GABRG2: variants seen among roughly 807,000 people sequenced by gnomAD.
The protein encoded by GABRG2 is gamma-aminobutyric acid type A receptor subunit gamma2, also known as gamma-aminobutyric acid receptor subunit gamma-2.
GABRG2 carries 16 observed loss-of-function variants against 56.4 expected under a neutral mutation model. The observed-to-expected ratio is 0.28, with a 90% CI of 0.19 to 0.43. GABRG2 has a LOEUF of 0.43. Among genes scored for constraint, GABRG2 ranks in the 20% least tolerant of loss-of-function variants. GABRG2 has a pLI of 1.00. For missense variants in GABRG2, 327 were observed against 582.7 expected, an observed-to-expected ratio of 0.56 and a Z score of 4.52; for synonymous variants, 208 against 205.5, an observed-to-expected ratio of 1.01 and a Z score of -0.10.
chr5:162,146,694 G>A (rs1408186825), intron 7 of GABRG2, among the ~76,000 whole-genome samples: 1 of 152,174 alleles, frequency 6.6e-6, no homozygotes, highest in African/African-American at 2.4e-5. Flanking sequence ...TTTTCATAGA[G>A]TGTATAGATT....
At chr5:162,105,152 T>C (rs2113377673) in intron 6 of GABRG2, among the ~76,000 whole-genome samples, 1 of 152,270 alleles carries the variant, frequency 6.6e-6, no homozygotes, top group Middle Eastern at 3.4e-3. Flanking sequence ...TAATTTGGAA[T>C]CAGGCCTTCA....
At chr5:162,099,116 A>C (rs145223792) in intron 4 of GABRG2, 1 of 152,282 alleles carries the variant, frequency 6.6e-6, no homozygotes, top group African/African-American at 2.4e-5. Flanking sequence ...CAACATACAA[A>C]ATATAATACT....
Position 162,155,248 on chromosome 5 carries a change from T to A in GABRG2, c.*1880T>A, listed in dbSNP as rs1738239738. On this transcript the variant is annotated 3_prime_UTR_variant, in exon 10 of 10. Transcript: ENST00000639213. Reference sequence around the variant, plus strand: ...AAATAGAACGAATTATTTTCTTGTTTTGAATTGTCAATATATTAAATGTTG... The same window carrying A: ...AAATAGAACGAATTATTTTCTTGTTATGAATTGTCAATATATTAAATGTTG... 1 of 152,504 alleles carries A rather than the reference T, an allele frequency of 6.6e-6. No homozygotes were observed. The highest frequency in any genetic ancestry group is 6.6e-5 in the Admixed American group (1 of 15,232). 9.4% of individuals were successfully genotyped at this position (152,504 alleles called of 1,614,324 possible).
intron 9 of GABRG2, chr5:162,151,987 G>T: frequency 2.4e-6 from 1 of 414,304 alleles, no homozygotes; most frequent in Non-Finnish European, 4.2e-6. Flanking sequence ...AGATGTCATA[G>T]GTAAAGAAGG....
intron 7 of GABRG2, among the ~76,000 whole-genome samples, chr5:162,148,822 T>C (rs957625714): frequency 6.6e-6 from 1 of 152,224 alleles, no homozygotes; most frequent in African/African-American, 2.4e-5. Flanking sequence ...TAATGTAACA[T>C]TATACTTTTC....
intron 6 of GABRG2, among the ~76,000 whole-genome samples, chr5:162,133,150 GA>G (rs960322165): frequency 6.0e-5 from 9 of 150,408 alleles, no homozygotes; most frequent in South Asian, 2.1e-4. Context: ...TTTAACAAAG[GA>G]AAAAAAAATC....
chr5:162,121,451 A>T (rs1762973295), intron 6 of GABRG2, among the ~76,000 whole-genome samples: 3 of 152,044 alleles, frequency 2.0e-5, no homozygotes, highest in Admixed American at 6.6e-5. Context: ...AAAGCAAAGG[A>T]GCTTTGGATC....
At chr5:162,089,599 T>C (rs2113264759) in intron 1 of GABRG2, among the ~76,000 whole-genome samples, 1 of 152,216 alleles carries the variant, frequency 6.6e-6, no homozygotes, top group South Asian at 2.1e-4. Flanking sequence ...AAAATATTAG[T>C]GACACCAATG....
At chr5:162,145,101 A>C (rs2113613291) in intron 7 of GABRG2, among the ~76,000 whole-genome samples, 1 of 152,294 alleles carries the variant, frequency 6.6e-6, no homozygotes, top group South Asian at 2.1e-4. Context: ...GCACACGCAG[A>C]CCTTAAGCTT....
chr5:162,093,803 T>G (rs1168160457), intron 1 of GABRG2, 25 bp from the exon 2 acceptor site: 3 of 1,610,032 alleles, frequency 1.9e-6, no homozygotes, highest in Non-Finnish European at 2.5e-6. Flanking sequence ...TCTATGTGTT[T>G]TTTGACCAAT....
intron 1 of GABRG2, among the ~76,000 whole-genome samples, chr5:162,078,385 A>T: frequency 5.1e-4 from 16 of 31,180 alleles, no homozygotes; most frequent in Non-Finnish European, 9.9e-4. Flanking sequence ...ATATATATAT[A>T]TATATATATA....
At chr5:162,097,059 AT>A (rs1761050230) in intron 3 of GABRG2, among the ~76,000 whole-genome samples, 1 of 152,020 alleles carries the variant, frequency 6.6e-6, no homozygotes, top group African/African-American at 2.4e-5. Flanking sequence ...CATGATCCCT[AT>A]TTTAATATAG....
At chr5:162,138,413 T>A (rs182234447) in intron 6 of GABRG2, among the ~76,000 whole-genome samples, 4 of 152,166 alleles carry the variant, frequency 2.6e-5, no homozygotes, top group African/African-American at 9.7e-5. Context: ...CTAGATAGAA[T>A]GCATTGTCCC....
chr5:162,104,106 A>G (rs1761633687), intron 6 of GABRG2, 80 bp downstream of exon 6: 8 of 1,223,390 alleles, frequency 6.5e-6, no homozygotes, highest in South Asian at 6.0e-5. Context: ...AGATTTTTCA[A>G]TACCTCTCAA....
intron 1 of GABRG2, among the ~76,000 whole-genome samples, chr5:162,081,763 A>G (rs1439195695): frequency 2.0e-5 from 3 of 151,988 alleles, no homozygotes; most frequent in Admixed American, 6.6e-5. Flanking sequence ...CCACTCTAGC[A>G]AGTCCAAGTG....
chr5:162,098,162 T>G (rs1167773723), intron 4 of GABRG2: 4 of 398,064 alleles, frequency 1.0e-5, no homozygotes, highest in African/African-American at 2.1e-5. Context: ...CCTTTGCACC[T>G]ACGCTTTGCA....
intron 6 of GABRG2, among the ~76,000 whole-genome samples, chr5:162,108,641 G>A (rs2113401129): frequency 6.6e-6 from 1 of 152,256 alleles, no homozygotes; most frequent in East Asian, 1.9e-4. Context: ...CCATTTACTA[G>A]TGGTGTGACT....
intron 1 of GABRG2, among the ~76,000 whole-genome samples, chr5:162,075,372 C>T (rs144247809): frequency 6.6e-6 from 1 of 152,104 alleles, no homozygotes; most frequent in Non-Finnish European, 1.5e-5. Context: ...ACCTACCACT[C>T]AGTGTAATAT....
intron 1 of GABRG2, among the ~76,000 whole-genome samples, chr5:162,075,143 T>C (rs546817666): frequency 1.3e-5 from 2 of 152,274 alleles, no homozygotes; most frequent in African/African-American, 4.8e-5. Context: ...TAATATTTTA[T>C]AGAAAGTTCT....
Sources: allele counts gnomAD v4.1 joint callset (sites outside exome capture counted in the v4.1 genomes callset), GRCh38; gene constraint gnomAD v4.1.1; transcripts MANE v1.5; gene names NCBI Gene and HGNC (gene_info 2026-07-23, HGNC 2026-07-21).